SGCZ: variants seen among roughly 807,000 people sequenced by gnomAD.
SGCZ encodes the protein zeta-sarcoglycan.
In SGCZ, 40 loss-of-function variants were observed where a neutral mutation model predicts 41.3. The ratio of observed to expected loss-of-function variants is 0.97; its 90% CI spans 0.75 to 1.26. The LOEUF (loss-of-function observed/expected upper bound fraction) is 1.26, where lower values mean the gene tolerates loss of function less well. SGCZ is among the 50% of genes most tolerant of loss of function. The probability of loss-of-function intolerance (pLI) is 0.00; values close to 1 mark genes in which losing one functional copy is unlikely to be tolerated. For synonymous variants in SGCZ, 206 were observed against 137.5 expected (o/e 1.50, Z -3.49); for missense variants, 552 against 369.8 (o/e 1.49, Z -4.04).
At chr8:15,002,350 G>T (rs777765513) in intron 1 of SGCZ, among the ~76,000 whole-genome samples, 4 of 152,076 alleles carry the variant, frequency 2.6e-5, no homozygotes, top group Non-Finnish European at 5.9e-5. Context: ...CAGATTGCAC[G>T]GTTGGTGCCT....
At chr8:14,602,464 T>G (rs1332163167) in intron 1 of SGCZ, among the ~76,000 whole-genome samples, 1 of 151,660 alleles carries the variant, frequency 6.6e-6, no homozygotes, top group African/African-American at 2.4e-5. Flanking sequence ...GTGGGAGGAT[T>G]GCTTGAACCC....
chr8:14,775,753 C>T (rs992101316), intron 1 of SGCZ, among the ~76,000 whole-genome samples: 10 of 151,890 alleles, frequency 6.6e-5, no homozygotes, highest in Non-Finnish European at 1.2e-4. Context: ...GGTTAATTTT[C>T]AAAAAGGTAA....
Position 14,989,611 on chromosome 8 carries a change from A to C in SGCZ, c.39+247974T>G, listed in dbSNP as rs576160416. On this transcript the variant is annotated intron_variant, in intron 1 of 7. Transcript: ENST00000382080. ...GATTCTTTCCTTTAAGGGAGCATGAATCATATGAAAATCATAAAATGACTA... is the reference window on the plus strand; with the variant it reads ...GATTCTTTCCTTTAAGGGAGCATGACTCATATGAAAATCATAAAATGACTA... Among the ~76,000 whole-genome samples, 160 of 152,240 alleles carry C rather than the reference A, an allele frequency of 1.1e-3. 1 individual carries two copies. Among genetic ancestry groups the C allele is most frequent in the African/African-American group, 3.8e-3 (157 of 41,576 alleles).
At chr8:14,444,191 G>A (rs1800360278) in intron 2 of SGCZ, among the ~76,000 whole-genome samples, 2 of 152,104 alleles carry the variant, frequency 1.3e-5, no homozygotes, top group African/African-American at 2.4e-5. Flanking sequence ...TGGAGAAATA[G>A]GAACACTTTT....
At chr8:14,766,445 C>T (rs912722206) in intron 1 of SGCZ, among the ~76,000 whole-genome samples, 1 of 152,010 alleles carries the variant, frequency 6.6e-6, no homozygotes, top group Non-Finnish European at 1.5e-5. Flanking sequence ...AGGATTATAT[C>T]TTCAAGATAA....
chr8:14,257,238 G>A (rs1251235925), intron 3 of SGCZ, among the ~76,000 whole-genome samples: 1 of 151,934 alleles, frequency 6.6e-6, no homozygotes, highest in South Asian at 2.1e-4. Context: ...GAGATGGGAG[G>A]ATCACTTGCT....
chr8:14,367,682 A>G (rs1367863994), intron 2 of SGCZ, among the ~76,000 whole-genome samples: 2 of 152,064 alleles, frequency 1.3e-5, no homozygotes, highest in South Asian at 4.1e-4. Context: ...TAAAGCCATC[A>G]GTTCTCATGA....
intron 1 of SGCZ, among the ~76,000 whole-genome samples, chr8:14,742,260 C>G (rs556763773): frequency 6.6e-6 from 1 of 152,130 alleles, no homozygotes; most frequent in African/African-American, 2.4e-5. Flanking sequence ...TGAGCAGTTA[C>G]AATAAATTTC....
intron 1 of SGCZ, among the ~76,000 whole-genome samples, chr8:15,014,812 A>T (rs1367251103): frequency 6.6e-6 from 1 of 152,210 alleles, no homozygotes; most frequent in East Asian, 1.9e-4. Context: ...TTCTGTCCAG[A>T]CAATTAGTTT....
chr8:14,575,913 C>CAAAAAAAAAAAAAA (rs66656586), intron 1 of SGCZ, among the ~76,000 whole-genome samples: 34 of 99,994 alleles, frequency 3.4e-4, no homozygotes, highest in African/African-American at 4.9e-4. Flanking sequence ...CTCAAAATAA[C>CAAAAAAAAAAAAAA]AAAAAAAAAA....
At chr8:14,819,248 C>A (rs1285943165) in intron 1 of SGCZ, among the ~76,000 whole-genome samples, 1 of 152,096 alleles carries the variant, frequency 6.6e-6, no homozygotes, top group African/African-American at 2.4e-5. Flanking sequence ...AGAAATCTTG[C>A]AGGCTAGGAA....
Position 14,551,199 on chromosome 8 carries a change from C to T in SGCZ, c.234+3533G>A, listed in dbSNP as rs1283021165. Among the ~76,000 whole-genome samples, 7 of 146,500 alleles carry T rather than the reference C, an allele frequency of 4.8e-5. No homozygotes were observed. The South Asian group carries it at 1.3e-3, about 27-fold the overall frequency. On this transcript the variant is annotated intron_variant, in intron 2 of 7. Transcript: ENST00000382080. ...TAGTTGGTACTTTTGTTCTTAAAAT[C>T]AGTACTTTATTATTGTAACAATCTT...
At chr8:14,097,984 G>A (rs1329587342) in intron 7 of SGCZ, among the ~76,000 whole-genome samples, 2 of 151,922 alleles carry the variant, frequency 1.3e-5, no homozygotes, top group East Asian at 3.9e-4. Context: ...CACTTAAAGT[G>A]GTATTTTATA....
chr8:14,782,676 G>C (rs1220118525), intron 1 of SGCZ, among the ~76,000 whole-genome samples: 2 of 138,314 alleles, frequency 1.4e-5, no homozygotes, highest in Non-Finnish European at 3.4e-5. Flanking sequence ...TTATTGAGAT[G>C]GTTATAGAAA....
chr8:14,691,197 C>G (rs1359316740), intron 1 of SGCZ, among the ~76,000 whole-genome samples: 6 of 152,112 alleles, frequency 3.9e-5, no homozygotes, highest in African/African-American at 1.2e-4. Context: ...ATCAACAATA[C>G]TTCGATAAGG....
chr8:14,622,987 A>G (rs1032270409), intron 1 of SGCZ, among the ~76,000 whole-genome samples: 15 of 152,314 alleles, frequency 9.8e-5, no homozygotes, highest in African/African-American at 3.6e-4. Flanking sequence ...AGATGAAAGA[A>G]CATGTCTGTA....
intron 1 of SGCZ, among the ~76,000 whole-genome samples, chr8:14,585,769 G>A (rs1213068671): frequency 6.6e-6 from 1 of 152,064 alleles, no homozygotes; most frequent in East Asian, 1.9e-4. Flanking sequence ...TGCCACAAAA[G>A]AGGTAAGATG....
intron 4 of SGCZ, among the ~76,000 whole-genome samples, chr8:14,184,624 A>C (rs1804843833): frequency 6.6e-6 from 1 of 152,196 alleles, no homozygotes; most frequent in African/African-American, 2.4e-5. Context: ...TCCTCACTAG[A>C]GGCATCACAG....
intron 1 of SGCZ, among the ~76,000 whole-genome samples, chr8:15,033,291 C>T (rs945028829): frequency 6.6e-6 from 1 of 152,006 alleles, no homozygotes; most frequent in Admixed American, 6.6e-5. Flanking sequence ...CCAGAATAAC[C>T]AGGATCTTAA....
Sources: gnomAD v4.1 joint callset for allele counts (sites outside exome capture counted in the v4.1 genomes callset) on GRCh38, gnomAD v4.1.1 for gene constraint, MANE v1.5 for transcripts, NCBI Gene and HGNC (gene_info 2026-07-23, HGNC 2026-07-21) for gene names.